The following JAKMIP3 variants were observed in gnomAD, a reference collection of about 807,000 sequenced individuals.
The protein encoded by JAKMIP3 is janus kinase and microtubule-interacting protein 3.
In JAKMIP3, 58 loss-of-function variants were observed where a neutral mutation model predicts 118.5. The ratio of observed to expected loss-of-function variants is 0.49; its 90% CI spans 0.40 to 0.61. JAKMIP3 has a LOEUF of 0.61. Ranked by LOEUF, JAKMIP3 falls within the 20% of genes least tolerant of loss-of-function variation. JAKMIP3 has a pLI of 0.00. For synonymous variants in JAKMIP3, 486 were observed against 451.2 expected (o/e 1.08, Z -0.98); for missense variants, 950 against 1,109.0 (o/e 0.86, Z 2.04).
At chr10:132,067,984 G>A (rs73395760) in intron 1 of JAKMIP3, among the ~76,000 whole-genome samples, 3,074 of 148,396 alleles carry the variant, frequency 0.021, 98 homozygotes, top group African/African-American at 0.072. Flanking sequence ...GTGAGCTTCC[G>A]TGTGGACTGT....
intron 1 of JAKMIP3, among the ~76,000 whole-genome samples, chr10:132,099,742 A>C (rs544638934): frequency 4.6e-5 from 7 of 152,338 alleles, no homozygotes; most frequent in African/African-American, 1.7e-4. Context: ...GTACATTCAC[A>C]AGTCCTCATC....
intron 1 of JAKMIP3, among the ~76,000 whole-genome samples, chr10:132,058,578 G>A (rs1220765042): frequency 6.6e-6 from 1 of 152,204 alleles, no homozygotes; most frequent in African/African-American, 2.4e-5. Flanking sequence ...GTGAACTTCA[G>A]CAATGACTCA....
At chr10:132,058,104 G>A (rs1485902536) in intron 1 of JAKMIP3, among the ~76,000 whole-genome samples, 2 of 152,186 alleles carry the variant, frequency 1.3e-5, no homozygotes, top group African/African-American at 4.8e-5. Context: ...GCTTGGTGGT[G>A]GGAATGAGTC....
intron 23 of JAKMIP3, among the ~76,000 whole-genome samples, chr10:132,175,802 C>T (rs1460823528): frequency 6.6e-6 from 1 of 152,162 alleles, no homozygotes; most frequent in African/African-American, 2.4e-5. Flanking sequence ...TCATGGCCAT[C>T]ATGCATGATG....
At chr10:132,037,279 C>T (rs1034854706) in intron 1 of JAKMIP3, among the ~76,000 whole-genome samples, 1 of 152,108 alleles carries the variant, frequency 6.6e-6, no homozygotes, top group Non-Finnish European at 1.5e-5. Flanking sequence ...CCTTGCCTCT[C>T]GTGGAAAGCC....
chr10:132,114,207 C>T (rs1196326677), intron 2 of JAKMIP3, among the ~76,000 whole-genome samples: 1 of 152,234 alleles, frequency 6.6e-6, no homozygotes, highest in Non-Finnish European at 1.5e-5. Context: ...TTCTGTGCAG[C>T]ATGGCACAAG....
chr10:132,056,601 T>C (rs1371574887), intron 1 of JAKMIP3, among the ~76,000 whole-genome samples: 1 of 152,210 alleles, frequency 6.6e-6, no homozygotes, highest in African/African-American at 2.4e-5. Flanking sequence ...CCATCGGACT[T>C]GGGCAGTGTG....
At position 132,107,932 on chromosome 10, in the gene JAKMIP3, A is replaced by G. The variant is rs116444182; in HGVS notation, c.135+2989A>G. On this transcript the variant is annotated intron_variant, in intron 2 of 23. Coordinates refer to ENST00000684848, the MANE Select transcript of JAKMIP3 (RefSeq NM_001323087.2). The stretch of plus-strand genomic sequence containing the variant: ...TTTGCAGTTTGACGGTGACGTCCCC[A>G]GGGCCCATGGAGAACAGAGAGGGCC... Among the ~76,000 whole-genome samples, 336 of 152,336 alleles carry G rather than the reference A, an allele frequency of 2.2e-3. 2 individuals are homozygous for G. Among genetic ancestry groups the G allele is most frequent in the African/African-American group, 7.7e-3 (322 of 41,578 alleles).
In JAKMIP3 at chr10:132,168,449, G is replaced by A; in HGVS notation, c.*519G>A. On this transcript the variant is annotated 3_prime_UTR_variant, in exon 23 of 24. Transcript: ENST00000684848. ...ATTCAGGGGAACCTGGAGGCTCCCTGGGATGGTCCTGGGAGGGCTCCCCGA... is the reference window on the plus strand; with the variant it reads ...ATTCAGGGGAACCTGGAGGCTCCCTAGGATGGTCCTGGGAGGGCTCCCCGA... 1 of 1,263,292 alleles carries A rather than the reference G, an allele frequency of 7.9e-7. No individual in the cohort carries two copies. Among genetic ancestry groups the A allele is most frequent in the Non-Finnish European group, 1.0e-6 (1 of 967,060 alleles). The allele number at this position is 1,263,292 out of a possible 1,614,324, so 78.3% of individuals were successfully genotyped here.
At chr10:132,152,156 G>A (rs1370143495) in intron 16 of JAKMIP3, among the ~76,000 whole-genome samples, 3 of 152,202 alleles carry the variant, frequency 2.0e-5, no homozygotes, top group Admixed American at 1.3e-4. Flanking sequence ...GAGTGCAGCT[G>A]GCCCCCACCA....
Position 132,039,261 on chromosome 10 carries a change from T to C in JAKMIP3, c.-138+2523T>C, listed in dbSNP as rs184003742. Among the ~76,000 whole-genome samples, 499 of 152,282 alleles carry C rather than the reference T, an allele frequency of 3.3e-3. 2 individuals are homozygous for C. The highest frequency in any genetic ancestry group is 5.2e-3 in the Non-Finnish European group (356 of 68,010). On this transcript the variant is annotated intron_variant, in intron 1 of 23. Transcript: ENST00000657785. Reference sequence around the variant, plus strand: ...TTGGTCTCCCAGACTGCTGGGATTATGGGCATGAGCCACCGTGCCCAGCCA... The same window carrying C: ...TTGGTCTCCCAGACTGCTGGGATTACGGGCATGAGCCACCGTGCCCAGCCA...
chr10:132,160,004 G>A (rs1281520134), intron 19 of JAKMIP3, among the ~76,000 whole-genome samples: 10 of 42,526 alleles, frequency 2.4e-4, no homozygotes, highest in African/African-American at 8.1e-4. Flanking sequence ...CTTACTGGGG[G>A]GGGCCTCTCC....
intron 1 of JAKMIP3, among the ~76,000 whole-genome samples, chr10:132,093,401 G>A (rs1200559392): frequency 6.6e-6 from 1 of 152,124 alleles, no homozygotes; most frequent in Non-Finnish European, 1.5e-5. Context: ...CCTTCTTCCT[G>A]GCAGCTTTGT....
chr10:132,042,145 T>G (rs913633565), intron 1 of JAKMIP3, among the ~76,000 whole-genome samples: 1 of 151,842 alleles, frequency 6.6e-6, no homozygotes, highest in Non-Finnish European at 1.5e-5. Context: ...GGATTTTAGG[T>G]GTGAGCCACC....
chr10:132,123,468 T>C (rs1478407467), intron 3 of JAKMIP3, among the ~76,000 whole-genome samples: 2 of 152,180 alleles, frequency 1.3e-5, no homozygotes, highest in East Asian at 3.9e-4. Flanking sequence ...CTAGTTAAAG[T>C]GGAATGCTAA....
At position 132,044,155 on chromosome 10, in the gene JAKMIP3, G is replaced by A. The variant is rs1296429041; in HGVS notation, c.-138+7417G>A. On this transcript the variant is annotated intron_variant, in intron 1 of 23. Coordinates refer to the JAKMIP3 transcript ENST00000657785. This position sits in a 1 kb window ranked among gnomAD's most constrained non-coding sequence, Gnocchi z 5.3. Reference sequence around the variant, plus strand: ...GACCAGCCCGATGCCTGGTGGGGGGGCTTCTCTGGGCCCTCAGCTGCCCTT... The same window carrying A: ...GACCAGCCCGATGCCTGGTGGGGGGACTTCTCTGGGCCCTCAGCTGCCCTT... Among the ~76,000 whole-genome samples the A allele has an allele frequency of 6.6e-6, 1 of 152,246 alleles. No homozygotes were observed. Among genetic ancestry groups the A allele is most frequent in the Non-Finnish European group, 1.5e-5 (1 of 68,038 alleles).
chr10:132,093,634 A>G (rs975246957), intron 1 of JAKMIP3, among the ~76,000 whole-genome samples: 7 of 152,166 alleles, frequency 4.6e-5, no homozygotes, highest in African/African-American at 1.7e-4. Flanking sequence ...GGTGCTGTCC[A>G]TCACCGCTTC....
intron 1 of JAKMIP3, among the ~76,000 whole-genome samples, chr10:132,104,417 C>T (rs914540397): frequency 4.6e-5 from 7 of 152,192 alleles, no homozygotes; most frequent in African/African-American, 1.2e-4. Context: ...AGAATTCACC[C>T]GTGCTGAGTG....
intron 1 of JAKMIP3, among the ~76,000 whole-genome samples, chr10:132,041,413 C>T (rs986428903): frequency 2.7e-4 from 41 of 152,266 alleles, no homozygotes; most frequent in African/African-American, 7.0e-4. Flanking sequence ...AGGATGAGGG[C>T]GGCTGTATGC....
Sources: allele counts gnomAD v4.1 joint callset (sites outside exome capture counted in the v4.1 genomes callset), GRCh38; gene constraint gnomAD v4.1.1; non-coding constraint Gnocchi (gnomAD v3.1); transcripts MANE v1.5; gene names NCBI Gene and HGNC (gene_info 2026-07-23, HGNC 2026-07-21).